EPC1: variants seen among roughly 807,000 people sequenced by gnomAD.
The protein encoded by EPC1 is enhancer of polycomb 1, also known as enhancer of polycomb homolog 1.
A neutral mutation model predicts 98.4 loss-of-function variants in EPC1; 12 were observed. The observed-to-expected ratio is 0.12, with a 90% CI of 0.08 to 0.20. The LOEUF is 0.20. Ranked by LOEUF, EPC1 falls within the 10% of genes least tolerant of loss-of-function variation. The pLI, the probability that EPC1 is intolerant of heterozygous loss-of-function variation, is 1.00. For missense variants in EPC1, 729 were observed against 990.5 expected (o/e 0.74, Z 3.54); for synonymous variants, 357 against 363.9 (o/e 0.98, Z 0.21).
rs575503903 is a variant in EPC1, at chr10:32,270,815, C to T, written c.2369+739G>A. On this transcript the variant is annotated intron_variant, in intron 13 of 13. Transcript: ENST00000319778. ...CCAGCCTGGGCAACAGAGCGAGACT[C>T]GGTCTCAAAAAAAAAAAAAAAAAAA... is the stretch of plus-strand genomic sequence containing the variant. Among the ~76,000 whole-genome samples, 697 of 101,146 alleles carry T rather than the reference C, an allele frequency of 6.9e-3. 6 individuals carry two copies. Among genetic ancestry groups the T allele is most frequent in the Middle Eastern group, 0.012 (2 of 162 alleles). The allele number at this position is 101,146 out of a possible 152,430, so 66.4% of individuals were successfully genotyped here. A position where few individuals can be genotyped will look rare whatever the true frequency, so the allele number is the denominator to read the frequency against.
chr10:32,345,690 G>A, intron 1 of EPC1: 1 of 928,178 alleles, frequency 1.1e-6, no homozygotes. Flanking sequence ...ACAAGGTAAA[G>A]CCACAGCGAT....
At chr10:32,302,859 A>G (rs1004459978) in intron 2 of EPC1, among the ~76,000 whole-genome samples, 5 of 152,182 alleles carry the variant, frequency 3.3e-5, no homozygotes, top group African/African-American at 1.2e-4. Flanking sequence ...CCAGTGCTAG[A>G]GAGATATGGA....
At chr10:32,329,590 G>C (rs796519960) in intron 1 of EPC1, among the ~76,000 whole-genome samples, 2 of 152,228 alleles carry the variant, frequency 1.3e-5, no homozygotes, top group African/African-American at 4.8e-5. Context: ...GACTCTGCTG[G>C]AACCATCATT....
At chr10:32,314,170 A>C (rs751746157) in intron 1 of EPC1, among the ~76,000 whole-genome samples, 1 of 152,236 alleles carries the variant, frequency 6.6e-6, no homozygotes, top group African/African-American at 2.4e-5. Flanking sequence ...TTAATATGCA[A>C]TCTTACAAAA....
chr10:32,350,382 C>G (rs954412400), upstream of EPC1, among the ~76,000 whole-genome samples: 17 of 152,188 alleles, frequency 1.1e-4, no homozygotes, highest in Non-Finnish European at 2.5e-4. Flanking sequence ...TAGGTCCCAT[C>G]TGGGTTGATC....
At chr10:32,311,312 CA>C (rs56251205) in intron 1 of EPC1, among the ~76,000 whole-genome samples, 107,801 of 144,276 alleles carry the variant, frequency 0.75, 40,874 homozygotes, top group Middle Eastern at 0.86. Context: ...GACTCCGTCT[CA>C]AAAAAAAAAA....
intron 1 of EPC1, among the ~76,000 whole-genome samples, chr10:32,360,212 C>T (rs1839403030): frequency 6.6e-6 from 1 of 152,020 alleles, no homozygotes; most frequent in Non-Finnish European, 1.5e-5. Context: ...TTGTATCATT[C>T]ATATGTTGTA....
chr10:32,356,060 T>A (rs751119298), intron 1 of EPC1, among the ~76,000 whole-genome samples: 2 of 152,046 alleles, frequency 1.3e-5, no homozygotes, highest in African/African-American at 2.4e-5. Context: ...AGTAGAAACA[T>A]ATGTTGGAAC....
intron 1 of EPC1, among the ~76,000 whole-genome samples, chr10:32,372,624 T>C (rs1167501018): frequency 6.6e-6 from 1 of 152,210 alleles, no homozygotes; most frequent in Non-Finnish European, 1.5e-5. Flanking sequence ...TGTATATGAC[T>C]GATAAATCAG....
intron 1 of EPC1, 94 bp from the exon 2 acceptor site, chr10:32,306,025 T>A: frequency 9.2e-7 from 1 of 1,082,916 alleles, no homozygotes; most frequent in Non-Finnish European, 1.3e-6. Flanking sequence ...CATTTGTTTT[T>A]AAAATAGAGA....
chr10:32,372,048 T>C (rs1839765059), intron 1 of EPC1, among the ~76,000 whole-genome samples: 1 of 152,206 alleles, frequency 6.6e-6, no homozygotes, highest in East Asian at 1.9e-4. Context: ...CTTTCAAAGT[T>C]TGCAATCCAT....
At chr10:32,361,370 A>C (rs961031914) in intron 1 of EPC1, among the ~76,000 whole-genome samples, 1 of 152,194 alleles carries the variant, frequency 6.6e-6, no homozygotes, top group Admixed American at 6.5e-5. Flanking sequence ...GGGAGACCAG[A>C]ATATGCCACC....
intron 1 of EPC1, 131 bp downstream of exon 1, chr10:32,346,632 G>A (rs993739608): frequency 2.9e-4 from 274 of 939,964 alleles, no homozygotes; most frequent in Non-Finnish European, 4.0e-4. Context: ...GTATAGGCCC[G>A]GCCGGCGACT....
intron 2 of EPC1, among the ~76,000 whole-genome samples, chr10:32,294,098 T>C (rs1428152876): frequency 6.6e-6 from 1 of 152,212 alleles, no homozygotes; most frequent in East Asian, 1.9e-4. Context: ...AATCATCACA[T>C]AGGCAATTTT....
chr10:32,275,869 GGAGGTTGCAGTTAGCT>G (rs1394068066), intron 10 of EPC1, among the ~76,000 whole-genome samples: 1 of 151,908 alleles, frequency 6.6e-6, no homozygotes, highest in Non-Finnish European at 1.5e-5. Context: ...CCCGGGAGGT[GGAGGTTGCAGTTAGCT>G]GATATCACAC....
intron 1 of EPC1, among the ~76,000 whole-genome samples, chr10:32,373,792 A>G (rs529059009): frequency 3.0e-4 from 45 of 152,370 alleles, no homozygotes; most frequent in African/African-American, 9.9e-4. Flanking sequence ...GTATCTTAAT[A>G]ACATTGTTGA....
chr10:32,300,659 C>G (rs1450974950), intron 2 of EPC1, among the ~76,000 whole-genome samples: 1 of 151,790 alleles, frequency 6.6e-6, no homozygotes, highest in Admixed American at 6.6e-5. Flanking sequence ...GTCTCGAACT[C>G]CCGACCCCAG....
At chr10:32,351,078 G>A (rs1474764826), upstream of EPC1, among the ~76,000 whole-genome samples, 1 of 152,118 alleles carries the variant, frequency 6.6e-6, no homozygotes, top group Non-Finnish European at 1.5e-5. Context: ...TCTGTTGGTG[G>A]CTAGTGGTAA....
At chr10:32,287,365 TATA>T in intron 6 of EPC1, 91 bp from the exon 7 acceptor site, 1 of 1,256,086 alleles carries the variant, frequency 8.0e-7, no homozygotes. Flanking sequence ...AGTTTATTGC[TATA>T]ATGAGGGCAT....
Sources: allele counts gnomAD v4.1 joint callset (sites outside exome capture counted in the v4.1 genomes callset), GRCh38; gene constraint gnomAD v4.1.1; transcripts MANE v1.5; gene names NCBI Gene and HGNC (gene_info 2026-07-23, HGNC 2026-07-21).